CDH12: variants seen among roughly 807,000 people sequenced by gnomAD.
CDH12 encodes the protein cadherin 12.
A neutral mutation model predicts 74.1 loss-of-function variants in CDH12; 41 were observed. The observed-to-expected ratio is 0.55, with a 90% CI of 0.43 to 0.72. The LOEUF is 0.72. CDH12 is among the 30% of genes least tolerant of loss of function. The pLI, the probability that CDH12 is intolerant of heterozygous loss-of-function variation, is 0.00. For synonymous variants in CDH12, 399 were observed against 355.0 expected (o/e 1.12, Z -1.39); for missense variants, 945 against 977.2 (o/e 0.97, Z 0.44).
At chr5:22,017,840 A>C (rs911407324) in intron 5 of CDH12, among the ~76,000 whole-genome samples, 9 of 151,712 alleles carry the variant, frequency 5.9e-5, no homozygotes, top group Middle Eastern at 3.4e-3. Context: ...GCTCACCACA[A>C]CACCTGCCTC....
chr5:22,610,848 G>A (rs1232420087), intron 1 of CDH12, among the ~76,000 whole-genome samples: 1 of 151,480 alleles, frequency 6.6e-6, no homozygotes, highest in Non-Finnish European at 1.5e-5. Context: ...GGTTATGGTG[G>A]AAAATAATTG....
chr5:21,915,214 C>T (rs1252327830), intron 6 of CDH12, among the ~76,000 whole-genome samples: 1 of 152,122 alleles, frequency 6.6e-6, no homozygotes, highest in African/African-American at 2.4e-5. Context: ...GGTTGAACAA[C>T]AGGCTAGACA....
At chr5:22,393,913 T>G (rs1742349161) in intron 3 of CDH12, among the ~76,000 whole-genome samples, 1 of 152,102 alleles carries the variant, frequency 6.6e-6, no homozygotes, top group Admixed American at 6.6e-5. Flanking sequence ...TTGTAAGTGA[T>G]GACTTTAGCT....
At chr5:21,903,887 G>C (rs1753513227) in intron 6 of CDH12, among the ~76,000 whole-genome samples, 1 of 151,880 alleles carries the variant, frequency 6.6e-6, no homozygotes, top group Non-Finnish European at 1.5e-5. Context: ...TCCAGAAAAG[G>C]AACAGAAAAT....
At chr5:22,074,014 A>C (rs541426764) in intron 5 of CDH12, among the ~76,000 whole-genome samples, 1 of 152,226 alleles carries the variant, frequency 6.6e-6, no homozygotes, top group South Asian at 2.1e-4. Flanking sequence ...TTTGAACTGC[A>C]TAGGTTTACT....
chr5:22,157,795 A>G (rs1039160849), intron 4 of CDH12, among the ~76,000 whole-genome samples: 1 of 152,114 alleles, frequency 6.6e-6, no homozygotes, highest in Non-Finnish European at 1.5e-5. Flanking sequence ...GCATTTAATT[A>G]TAATTAAGTC....
At chr5:22,466,474 G>A (rs796725309) in intron 2 of CDH12, among the ~76,000 whole-genome samples, 13 of 152,230 alleles carry the variant, frequency 8.5e-5, no homozygotes, top group Admixed American at 1.3e-4. Flanking sequence ...GTATATGAGC[G>A]AGTGTATGGC....
chr5:22,648,965 G>A (rs571981811), intron 1 of CDH12, among the ~76,000 whole-genome samples: 1 of 152,040 alleles, frequency 6.6e-6, no homozygotes, highest in African/African-American at 2.4e-5. Flanking sequence ...CTGCAAAACT[G>A]TAGTTCAAAG....
chr5:21,791,617 A>C (rs1746502453), intron 10 of CDH12, among the ~76,000 whole-genome samples: 1 of 151,052 alleles, frequency 6.6e-6, no homozygotes. Flanking sequence ...AAACGATTAT[A>C]TGATTATAAT....
At chr5:22,101,620 A>C (rs921368961) in intron 4 of CDH12, among the ~76,000 whole-genome samples, 1 of 152,218 alleles carries the variant, frequency 6.6e-6, no homozygotes, top group African/African-American at 2.4e-5. Context: ...AAGACAAATG[A>C]AGAAAATTAA....
chr5:21,778,376 T>A (rs1489273386), intron 11 of CDH12, among the ~76,000 whole-genome samples: 1 of 150,492 alleles, frequency 6.6e-6, no homozygotes, highest in Non-Finnish European at 1.5e-5. Flanking sequence ...TACTTTATTA[T>A]ATTGTTAATG....
At chr5:22,761,842 A>G (rs1746243858) in intron 1 of CDH12, among the ~76,000 whole-genome samples, 1 of 152,200 alleles carries the variant, frequency 6.6e-6, no homozygotes, top group South Asian at 2.1e-4. Context: ...AAAACCGTTA[A>G]AATACAAACA....
chr5:22,162,674 A>G (rs892638816), intron 4 of CDH12, among the ~76,000 whole-genome samples: 11 of 152,074 alleles, frequency 7.2e-5, no homozygotes, highest in Admixed American at 3.9e-4. Context: ...TTTATTTGTA[A>G]TAAACTTACA....
At chr5:22,781,478 C>G (rs374172147) in intron 1 of CDH12, among the ~76,000 whole-genome samples, 6 of 152,110 alleles carry the variant, frequency 3.9e-5, no homozygotes, top group Non-Finnish European at 7.3e-5. Context: ...ACTAAGCCAA[C>G]AACCCCCAAG....
intron 4 of CDH12, among the ~76,000 whole-genome samples, chr5:22,202,191 CTTCCTTCCTTCT>C (rs1750966781): frequency 9.0e-6 from 1 of 111,364 alleles, no homozygotes. Context: ...TCCTTCCTTC[CTTCCTTCCTTCT>C]TTCAACATAT....
chr5:22,230,614 G>C (rs1303262501), intron 3 of CDH12, among the ~76,000 whole-genome samples: 1 of 151,762 alleles, frequency 6.6e-6, no homozygotes, highest in Non-Finnish European at 1.5e-5. Context: ...GGGACTACAG[G>C]TGCACGCCAC....
intron 6 of CDH12, among the ~76,000 whole-genome samples, chr5:21,856,598 CT>C (rs1397863926): frequency 2.6e-5 from 4 of 151,660 alleles, no homozygotes; most frequent in African/African-American, 4.8e-5. Flanking sequence ...CACGTATTGT[CT>C]TTACTTTCAC....
intron 1 of CDH12, among the ~76,000 whole-genome samples, chr5:22,817,995 G>A (rs774464104): frequency 1.3e-5 from 2 of 152,116 alleles, no homozygotes; most frequent in Non-Finnish European, 2.9e-5. Context: ...ATAAAAAGTG[G>A]AAGGGTTGTG....
chr5:21,996,943 G>C (rs1023134091), intron 5 of CDH12, among the ~76,000 whole-genome samples: 1 of 152,054 alleles, frequency 6.6e-6, no homozygotes, highest in Non-Finnish European at 1.5e-5. Flanking sequence ...GTCATTATCT[G>C]ACTTGGGTGT....
Sources: gnomAD v4.1 joint callset for allele counts (sites outside exome capture counted in the v4.1 genomes callset) on GRCh38, gnomAD v4.1.1 for gene constraint, MANE v1.5 for transcripts, NCBI Gene and HGNC (gene_info 2026-07-23, HGNC 2026-07-21) for gene names.